The following LAMA2 variants were observed in gnomAD, a reference collection of about 807,000 sequenced individuals.
The protein encoded by LAMA2 is laminin subunit alpha-2.
Under a neutral mutation model 364.8 loss-of-function variants are expected in LAMA2, and 269 were observed. The ratio of observed to expected loss-of-function variants is 0.74; its 90% CI spans 0.67 to 0.82. LAMA2 has a LOEUF of 0.82. Among genes scored for constraint, LAMA2 ranks in the 40% least tolerant of loss-of-function variants. The pLI is 0.00. For synonymous variants in LAMA2, 1,379 were observed against 1,370.6 expected (o/e 1.01, Z -0.14); for missense variants, 3,807 against 3,873.2 (o/e 0.98, Z 0.45).
intron 1 of LAMA2, among the ~76,000 whole-genome samples, chr6:128,904,909 G>A (rs930147870): frequency 1.3e-5 from 2 of 152,212 alleles, no homozygotes; most frequent in African/African-American, 4.8e-5. Context: ...TTGTGTATGT[G>A]TGGGAGATAA....
chr6:129,051,113 A>G (rs1015524463), intron 2 of LAMA2, among the ~76,000 whole-genome samples: 1 of 151,230 alleles, frequency 6.6e-6, no homozygotes, highest in African/African-American at 2.4e-5. Context: ...CTTTATATCT[A>G]TATATCTCTA....
At chr6:129,310,145 C>A (rs1039129187) in intron 22 of LAMA2, among the ~76,000 whole-genome samples, 1 of 151,914 alleles carries the variant, frequency 6.6e-6, no homozygotes, top group Non-Finnish European at 1.5e-5. Flanking sequence ...GTGATCCGCC[C>A]GCCTCGGCCT....
chr6:128,914,132 C>T (rs1224251952), intron 1 of LAMA2, among the ~76,000 whole-genome samples: 1 of 152,016 alleles, frequency 6.6e-6, no homozygotes, highest in East Asian at 1.9e-4. Context: ...TTTTGAAAAT[C>T]TAGAAAGAAA....
At chr6:129,420,333 A>T (rs1002174280) in intron 40 of LAMA2, among the ~76,000 whole-genome samples, 1 of 152,044 alleles carries the variant, frequency 6.6e-6, no homozygotes, top group Non-Finnish European at 1.5e-5. Context: ...AACATACCAA[A>T]CTCTAAATTT....
Position 129,473,333 on chromosome 6 carries a change from C to T in LAMA2, c.7420C>T (p.Pro2474Ser). 2.5e-6 allele frequency: 4 copies of T among 1,612,242 alleles called. No homozygotes were observed. The highest frequency in any genetic ancestry group is 3.4e-6 in the Non-Finnish European group (4 of 1,178,814). Residue 2474 changes from proline to serine, a missense_variant, in exon 52 of 65, where the codon CCA (proline) becomes TCA (serine). By Grantham distance (74) the Pro-to-Ser change is moderately conservative. This residue lies in a region of LAMA2 where 3,333 missense variants were observed against 3,345.7 expected (regional missense o/e 1.00). Coordinates refer to ENST00000421865, the MANE Select transcript of LAMA2 (RefSeq NM_000426.4). ...ADDKIYFGGLPTLRNLSMKAR... is the reference protein window; with the variant it reads ...ADDKIYFGGLSTLRNLSMKAR... ...TGACAAAATATATTTTGGTGGCCTG[C>T]CAACGCTGAGAAACTTGAGGTAATT...
At chr6:129,318,826 G>A (rs914538843) in intron 27 of LAMA2, among the ~76,000 whole-genome samples, 2 of 152,128 alleles carry the variant, frequency 1.3e-5, no homozygotes, top group Admixed American at 1.3e-4. Context: ...TTGTTATAAA[G>A]TTTATGACTC....
chr6:129,169,303 A>G (rs1278406342), intron 9 of LAMA2, among the ~76,000 whole-genome samples: 1 of 149,170 alleles, frequency 6.7e-6, no homozygotes, highest in East Asian at 1.9e-4. Context: ...TGGGTTTGTC[A>G]TAGATAGCTC....
chr6:128,920,425 G>A (rs1007829861), intron 1 of LAMA2, among the ~76,000 whole-genome samples: 7 of 151,786 alleles, frequency 4.6e-5, no homozygotes, highest in African/African-American at 1.7e-4. Context: ...CAAAGTGCTG[G>A]GATTACAGGC....
intron 64 of LAMA2, among the ~76,000 whole-genome samples, chr6:129,515,752 AT>A (rs1386771368): frequency 6.6e-6 from 1 of 152,216 alleles, no homozygotes; most frequent in African/African-American, 2.4e-5. Context: ...CTTAAGATGT[AT>A]AATTCTAGAT....
At chr6:129,228,022 G>A (rs1391334024) in intron 12 of LAMA2, among the ~76,000 whole-genome samples, 1 of 152,066 alleles carries the variant, frequency 6.6e-6, no homozygotes, top group Non-Finnish European at 1.5e-5. Flanking sequence ...CTCAAGCCTC[G>A]GCAATGGCGG....
chr6:129,373,788 G>A (rs935782112), intron 34 of LAMA2, among the ~76,000 whole-genome samples: 1 of 152,004 alleles, frequency 6.6e-6, no homozygotes, highest in Non-Finnish European at 1.5e-5. Context: ...GAGTTTTTGT[G>A]GGAAAAACTT....
At chr6:129,020,244 T>A (rs1215011328) in intron 1 of LAMA2, among the ~76,000 whole-genome samples, 3 of 152,162 alleles carry the variant, frequency 2.0e-5, no homozygotes, top group Non-Finnish European at 2.9e-5. Flanking sequence ...TCCAGAATGG[T>A]AATCTCCATA....
In LAMA2 at chr6:129,047,127, G is replaced by A. The variant is rs559768030; in HGVS notation, c.113-2791G>A. 9.2e-5 allele frequency among the ~76,000 whole-genome samples: 14 copies of A among 152,126 alleles called. No homozygotes were observed. In the South Asian group the frequency reaches 1.4e-3, roughly 16 times the overall value. On this transcript the variant is annotated intron_variant, in intron 1 of 64. Transcript: ENST00000421865. ...AGACCATCTAATTATTTTTAAATTT[G>A]TAACCTGACAAACGTCACAAAATTG...
In LAMA2 at chr6:128,961,368, T is replaced by TA. The variant is rs1562873206; in HGVS notation, c.112+78011_112+78012insA. Among the ~76,000 whole-genome samples, 130 of 98,494 alleles carry TA rather than the reference T, an allele frequency of 1.3e-3. 3 individuals carry two copies. Among genetic ancestry groups the TA allele is most frequent in the African/African-American group, 4.2e-3 (102 of 24,288 alleles). The allele number at this position is 98,494 out of a possible 152,430, so 64.6% of individuals were successfully genotyped here. On this transcript the variant is annotated intron_variant, in intron 1 of 64. Transcript: ENST00000421865. ...ATATATATATATATATATATATATA[T>TA]TAGTTTATTAAGTATTAACTTATAC...
At chr6:129,145,136 T>C (rs1459009351) in intron 5 of LAMA2, among the ~76,000 whole-genome samples, 1 of 151,990 alleles carries the variant, frequency 6.6e-6, no homozygotes, top group Non-Finnish European at 1.5e-5. Flanking sequence ...ACAAAGCATT[T>C]AATTCTAGAA....
chr6:129,393,182 G>A lies in LAMA2; in HGVS notation c.5372G>A (p.Arg1791Lys), dbSNP rs1350004453. Residue 1791 changes from arginine to lysine, a missense_variant, in exon 37 of 65, where the codon AGA becomes AAA. Arg to Lys is a conservative substitution (Grantham distance 26). This residue lies in a region of LAMA2 where 3,333 missense variants were observed against 3,345.7 expected (regional missense o/e 1.00). Transcript: ENST00000421865. The stretch of plus-strand genomic sequence containing the variant: ...GTTGATGATGCTTGGGACCTTTTGA[G>A]AGAAGCCACAGATAAAATCAGAGAA... Reference protein sequence around the residue: ...NKVDDAWDLLREATDKIREAN... With the variant: ...NKVDDAWDLLKEATDKIREAN... 2 of 1,614,080 alleles carry A rather than the reference G, an allele frequency of 1.2e-6. No homozygotes were observed. The highest frequency in any genetic ancestry group is 1.3e-5 in the African/African-American group (1 of 75,036).
intron 4 of LAMA2, among the ~76,000 whole-genome samples, chr6:129,103,378 A>G (rs192872234): frequency 2.5e-3 from 380 of 152,332 alleles, no homozygotes; most frequent in Non-Finnish European, 3.9e-3. Context: ...AGCTATCCCT[A>G]GGAATAATAT....
chr6:129,239,333 T>C (rs1166297022), intron 12 of LAMA2, among the ~76,000 whole-genome samples: 1 of 152,212 alleles, frequency 6.6e-6, no homozygotes, highest in African/African-American at 2.4e-5. Flanking sequence ...ATCTTCCTAA[T>C]ACTATCTGTA....
At chr6:129,368,355 G>A (rs1488642462) in intron 33 of LAMA2, among the ~76,000 whole-genome samples, 5 of 152,208 alleles carry the variant, frequency 3.3e-5, no homozygotes, top group Admixed American at 6.5e-5. Context: ...GATATTAAAA[G>A]TCAGACCTGC....
Sources: gnomAD v4.1 joint callset for allele counts (sites outside exome capture counted in the v4.1 genomes callset) on GRCh38, gnomAD v4.1.1 for gene constraint, gnomAD v4.1.1 regional missense constraint, MANE v1.5 for transcripts, NCBI Gene and HGNC (gene_info 2026-07-23, HGNC 2026-07-21) for gene names.